Variants in SORCS3 observed in about 807,000 individuals in gnomAD.
SORCS3 encodes the protein sortilin related VPS10 domain containing receptor 3.
Under a neutral mutation model 146.3 loss-of-function variants are expected in SORCS3, and 57 were observed. The observed-to-expected ratio is 0.39, with a 90% CI of 0.31 to 0.49. The LOEUF is 0.49. SORCS3 is among the 20% of genes least tolerant of loss of function. The pLI, the probability that SORCS3 is intolerant of heterozygous loss-of-function variation, is 0.92. For synonymous variants in SORCS3, 653 were observed against 618.5 expected, an observed-to-expected ratio of 1.06 and a Z score of -0.83; for missense variants, 1,341 against 1,575.5, an observed-to-expected ratio of 0.85 and a Z score of 2.52.
chr10:105,193,986 G>A (rs930421325), intron 14 of SORCS3, among the ~76,000 whole-genome samples: 3 of 152,024 alleles, frequency 2.0e-5, no homozygotes, highest in African/African-American at 7.2e-5. Context: ...AAATCCAAGT[G>A]GCAAGGTAAA....
chr10:104,910,342 C>T (rs1747387953), intron 2 of SORCS3, among the ~76,000 whole-genome samples: 1 of 152,118 alleles, frequency 6.6e-6, no homozygotes, highest in Non-Finnish European at 1.5e-5. Flanking sequence ...AGAGACGTCA[C>T]CCCAGAAAAA....
chr10:105,083,973 T>A (rs2133736012), intron 5 of SORCS3, among the ~76,000 whole-genome samples: 1 of 152,334 alleles, frequency 6.6e-6, no homozygotes, highest in African/African-American at 2.4e-5. Flanking sequence ...GTTAAGCTTA[T>A]GGCTCAAAGC....
In SORCS3 at chr10:104,915,813, G is replaced by A. The variant is rs375525300; in HGVS notation, c.696-20G>A. The A allele has an allele frequency of 2.2e-5, 35 of 1,609,496 alleles. No individual in the cohort carries two copies. The East Asian group carries it at 2.5e-4, about 11-fold the overall frequency. On this transcript the variant is annotated intron_variant, in intron 2 of 26. Coordinates refer to ENST00000369701, the MANE Select transcript of SORCS3 (RefSeq NM_014978.3). ...TTGGTAAAATGATCTCTCCCTCTCT[G>A]TTTTCTCTTTTACCTGCAGGTCGAC...
chr10:105,050,775 C>T (rs924054771), intron 5 of SORCS3, among the ~76,000 whole-genome samples: 1 of 152,090 alleles, frequency 6.6e-6, no homozygotes, highest in African/African-American at 2.4e-5. Context: ...TTCTCTGATC[C>T]TTATTCTTTG....
At position 105,147,678 on chromosome 10, in the gene SORCS3, A is replaced by G; in HGVS notation, c.1364A>G (p.Gln455Arg). The change falls in exon 9 of 27, where the codon CAG (glutamine) becomes CGG (arginine). Residue 455 changes from glutamine (Q) to arginine (R), a missense_variant. Physicochemically the swap from Gln to Arg is conservative, Grantham distance 43. Coordinates refer to ENST00000369701, the MANE Select transcript of SORCS3 (RefSeq NM_014978.3). Reference protein sequence around the residue: ...QVFAAVQEWNQNDTYNLYISD... With the variant: ...QVFAAVQEWNRNDTYNLYISD... ...TTTGCTGCGGTCCAAGAATGGAACC[A>G]GAACGACACGTACAACCTCTACATC... 6.2e-7 allele frequency: 1 copy of G among 1,613,178 alleles called. No homozygotes were observed. The highest frequency in any genetic ancestry group is 1.7e-5 in the Admixed American group (1 of 59,956).
At position 105,263,615 on chromosome 10, in the gene SORCS3, T is replaced by G. The variant is rs562587892; in HGVS notation, c.*241T>G. 8.3e-6 allele frequency: 4 copies of G among 479,782 alleles called. No homozygotes were observed. The highest frequency in any genetic ancestry group is 7.8e-5 in the African/African-American group (4 of 51,218). The allele number at this position is 479,782 out of a possible 1,614,324, so 29.7% of individuals were successfully genotyped here. A position where few individuals can be genotyped will look rare whatever the true frequency, so the allele number is the denominator to read the frequency against. ...GCAAAGGATGCATCTTCCCACAGCC[T>G]CCTCGCTTTACTCTGCCATTGGTAG... On this transcript the variant is annotated 3_prime_UTR_variant, in exon 27 of 27. Coordinates refer to ENST00000369701, the MANE Select transcript of SORCS3 (RefSeq NM_014978.3).
At chr10:105,035,155 GAC>G (rs950657996) in intron 4 of SORCS3, among the ~76,000 whole-genome samples, 2 of 152,212 alleles carry the variant, frequency 1.3e-5, no homozygotes, top group African/African-American at 4.8e-5. Context: ...GAGTATGATA[GAC>G]ACAGTGTTTT....
chr10:105,219,661 A>G (rs1324750385), intron 19 of SORCS3, among the ~76,000 whole-genome samples: 2 of 152,202 alleles, frequency 1.3e-5, no homozygotes, highest in African/African-American at 2.4e-5. Flanking sequence ...TTGGTGCATG[A>G]TGAATTAGAG....
At chr10:105,163,097 A>G (rs1273023961) in intron 11 of SORCS3, among the ~76,000 whole-genome samples, 1 of 151,712 alleles carries the variant, frequency 6.6e-6, no homozygotes, top group East Asian at 1.9e-4. Context: ...CTCCTCCCAC[A>G]CCTACTGCCT....
chr10:104,819,520 G>A lies in SORCS3; in HGVS notation c.628-23272G>A, dbSNP rs561016104. 4.6e-5 allele frequency among the ~76,000 whole-genome samples: 7 copies of A among 152,198 alleles called. No homozygotes were observed. The South Asian group carries it at 1.2e-3, about 27-fold the overall frequency. On this transcript the variant is annotated intron_variant, in intron 1 of 26. Transcript: ENST00000369701. ...CCGATAAATCCTTTGCACATTTCATGTGCCAGGTAAATGCTTGCTGGTTCT... is the reference window on the plus strand; with the variant it reads ...CCGATAAATCCTTTGCACATTTCATATGCCAGGTAAATGCTTGCTGGTTCT...
intron 22 of SORCS3, among the ~76,000 whole-genome samples, chr10:105,248,984 G>A (rs541122634): frequency 1.3e-5 from 2 of 152,238 alleles, no homozygotes; most frequent in South Asian, 4.1e-4. Context: ...GCATAGTTGG[G>A]GAGACATTTC....
At chr10:105,246,165 T>C (rs2119734072) in intron 21 of SORCS3, among the ~76,000 whole-genome samples, 1 of 152,286 alleles carries the variant, frequency 6.6e-6, no homozygotes, top group South Asian at 2.1e-4. Flanking sequence ...AAGTTAGGAC[T>C]AGGGCAGAAG....
intron 3 of SORCS3, among the ~76,000 whole-genome samples, chr10:104,930,197 G>T (rs1382163152): frequency 6.6e-6 from 1 of 152,116 alleles, no homozygotes; most frequent in East Asian, 1.9e-4. Context: ...AAAAAAAAAG[G>T]TATAAGGTAA....
At chr10:105,157,327 C>T in intron 10 of SORCS3, 43 bp downstream of exon 10, 1 of 1,605,646 alleles carries the variant, frequency 6.2e-7, no homozygotes, top group Non-Finnish European at 8.5e-7. Flanking sequence ...GGCAGGCTGG[C>T]CACCTGCAGA....
chr10:104,823,863 G>T (rs1002266951), intron 1 of SORCS3, among the ~76,000 whole-genome samples: 1 of 152,186 alleles, frequency 6.6e-6, no homozygotes, highest in Admixed American at 6.5e-5. Context: ...GAATTATTTG[G>T]CTGGGTACAA....
At chr10:104,850,837 C>G (rs562401330) in intron 2 of SORCS3, among the ~76,000 whole-genome samples, 50 of 152,324 alleles carry the variant, frequency 3.3e-4, no homozygotes, top group Middle Eastern at 3.4e-3. Context: ...TTATGATACC[C>G]AAAAGATACC....
At chr10:105,206,559 A>C (rs2056603965) in intron 16 of SORCS3, among the ~76,000 whole-genome samples, 2 of 152,190 alleles carry the variant, frequency 1.3e-5, no homozygotes, top group Non-Finnish European at 2.9e-5. Context: ...AGAAAAGGAA[A>C]ATAGGCAGTA....
intron 14 of SORCS3, among the ~76,000 whole-genome samples, chr10:105,195,537 C>A (rs1161014460): frequency 2.0e-5 from 3 of 152,186 alleles, no homozygotes; most frequent in African/African-American, 7.2e-5. Flanking sequence ...TTCTTAATTT[C>A]ATTCCCTGCT....
intron 3 of SORCS3, among the ~76,000 whole-genome samples, chr10:104,975,806 G>A (rs1232333734): frequency 2.0e-5 from 3 of 152,176 alleles, no homozygotes; most frequent in Non-Finnish European, 2.9e-5. Flanking sequence ...AACCAGCAAT[G>A]GGGAAAGGAT....
Sources: allele counts gnomAD v4.1 joint callset (sites outside exome capture counted in the v4.1 genomes callset), GRCh38; gene constraint gnomAD v4.1.1; transcripts MANE v1.5; gene names NCBI Gene and HGNC (gene_info 2026-07-23, HGNC 2026-07-21).